The following KCTD1 variants were observed in gnomAD, a reference collection of about 807,000 sequenced individuals.
KCTD1 encodes the protein potassium channel tetramerization domain containing 1.
Under a neutral mutation model 66.0 loss-of-function variants are expected in KCTD1, and 24 were observed. The ratio of observed to expected loss-of-function variants is 0.36; its 90% confidence interval spans 0.26 to 0.51. The LOEUF (loss-of-function observed/expected upper bound fraction) is 0.51, where lower values mean the gene tolerates loss of function less well. KCTD1 is among the 20% of genes least tolerant of loss of function. The pLI, the probability that KCTD1 is intolerant of heterozygous loss-of-function variation, is 0.95. For synonymous variants in KCTD1, 511 were observed against 517.2 expected (o/e 0.99, Z 0.16); for missense variants, 943 against 1,205.2 (o/e 0.78, Z 3.22).
intron 1 of KCTD1, among the ~76,000 whole-genome samples, chr18:26,593,362 AG>A (rs1477107814): frequency 1.7e-4 from 17 of 100,008 alleles, no homozygotes; most frequent in African/African-American, 6.9e-4. Context: ...GAGGAGGAAG[AG>A]GAGGAGGAGG....
chr18:26,521,320 CTT>C (rs1983899393), intron 1 of KCTD1, among the ~76,000 whole-genome samples: 1 of 152,242 alleles, frequency 6.6e-6, no homozygotes, highest in African/African-American at 2.4e-5. Context: ...ACTTGTGACA[CTT>C]CACTAAAAAC....
intron 3 of KCTD1, among the ~76,000 whole-genome samples, chr18:26,467,136 GTT>G (rs71376962): frequency 2.3e-5 from 3 of 130,246 alleles, no homozygotes. Flanking sequence ...GGTATAGTTT[GTT>G]TTTTTTTTTT....
intron 1 of KCTD1, among the ~76,000 whole-genome samples, chr18:26,512,354 C>G (rs1300049380): frequency 6.6e-6 from 1 of 151,930 alleles, no homozygotes; most frequent in Non-Finnish European, 1.5e-5. Flanking sequence ...CCGCCTGCCT[C>G]TGCCTCTTAA....
chr18:26,511,317 T>G (rs1983317046), intron 1 of KCTD1, among the ~76,000 whole-genome samples: 1 of 152,160 alleles, frequency 6.6e-6, no homozygotes, highest in South Asian at 2.1e-4. Context: ...AGAAGACGAT[T>G]TCATTTGATC....
At chr18:26,614,655 A>G (rs1342288594) in intron 1 of KCTD1, among the ~76,000 whole-genome samples, 1 of 152,172 alleles carries the variant, frequency 6.6e-6, no homozygotes, top group Non-Finnish European at 1.5e-5. Context: ...CTGATCTTGG[A>G]AGGCTTTGGA....
upstream of KCTD1, among the ~76,000 whole-genome samples, chr18:26,551,659 A>C (rs1454542806): frequency 1.3e-5 from 2 of 152,172 alleles, no homozygotes; most frequent in African/African-American, 2.4e-5. Flanking sequence ...GAAAAAAAAA[A>C]GTTGCTTAAT....
At chr18:26,495,465 T>C (rs1199929467) in intron 2 of KCTD1, among the ~76,000 whole-genome samples, 2 of 152,136 alleles carry the variant, frequency 1.3e-5, no homozygotes, top group Non-Finnish European at 2.9e-5. Context: ...AGAGCACACA[T>C]GTTTGGCATC....
intron 1 of KCTD1, among the ~76,000 whole-genome samples, chr18:26,567,875 CCTT>C (rs1340825560): frequency 6.6e-6 from 1 of 152,116 alleles, no homozygotes; most frequent in East Asian, 1.9e-4. Flanking sequence ...AAGCAGCTGT[CCTT>C]CTCCACCTGC....
intron 2 of KCTD1, among the ~76,000 whole-genome samples, chr18:26,485,556 G>C (rs1981871372): frequency 6.6e-6 from 1 of 152,208 alleles, no homozygotes; most frequent in African/African-American, 2.4e-5. Context: ...GTTTAAACAT[G>C]ATTTCTAGGG....
chr18:26,623,648 A>G (rs1164338646), intron 1 of KCTD1, among the ~76,000 whole-genome samples: 1 of 152,204 alleles, frequency 6.6e-6, no homozygotes, highest in Non-Finnish European at 1.5e-5. Flanking sequence ...TCTTTCCTTT[A>G]TAAATTACCC....
intron 1 of KCTD1, among the ~76,000 whole-genome samples, chr18:26,583,393 C>CAAAAAA (rs55720907): frequency 1.9e-3 from 155 of 83,506 alleles, no homozygotes; most frequent in Non-Finnish European, 2.1e-3. Context: ...GACTTTGTCT[C>CAAAAAA]AAAAAAAAAA....
chr18:26,609,467 T>C (rs1248250559), intron 1 of KCTD1, among the ~76,000 whole-genome samples: 1 of 152,226 alleles, frequency 6.6e-6, no homozygotes, highest in Non-Finnish European at 1.5e-5. Flanking sequence ...TACCGGGTGA[T>C]GGACCACCAT....
chr18:26,473,379 G>T (rs1230413200), intron 3 of KCTD1, among the ~76,000 whole-genome samples: 4 of 152,094 alleles, frequency 2.6e-5, no homozygotes, highest in Admixed American at 2.0e-4. Flanking sequence ...TGGACAAAGG[G>T]AGGGGAACAA....
intron 1 of KCTD1, among the ~76,000 whole-genome samples, chr18:26,602,518 G>C (rs1217557747): frequency 6.6e-6 from 1 of 152,126 alleles, no homozygotes; most frequent in Non-Finnish European, 1.5e-5. Context: ...TTTATGCTTA[G>C]GCATAACAAG....
rs1407246808 is a variant in KCTD1 at position 26,476,689 on chromosome 18, C to A, written c.1989-30G>T. 1 of 1,600,442 alleles carries A rather than the reference C, an allele frequency of 6.2e-7. No individual in the cohort carries two copies. Among genetic ancestry groups the A allele is most frequent in the Non-Finnish European group, 8.5e-7 (1 of 1,172,444 alleles). On this transcript the variant is annotated intron_variant, in intron 2 of 4. Transcript: ENST00000580059. The surrounding 1 kb of genome is among the most constrained non-coding windows in gnomAD (Gnocchi z 4.9). ...GATAGAAAAGAGGGAACAGTGAAGACAATTAGATCAATTGTTCGGGCACTA... is the reference window on the plus strand; with the variant it reads ...GATAGAAAAGAGGGAACAGTGAAGAAAATTAGATCAATTGTTCGGGCACTA...
intron 1 of KCTD1, among the ~76,000 whole-genome samples, chr18:26,523,653 A>G (rs1984023930): frequency 6.6e-6 from 1 of 152,188 alleles, no homozygotes; most frequent in African/African-American, 2.4e-5. Flanking sequence ...AAAATTTAAA[A>G]CAAAAAAATA....
At chr18:26,525,659 T>C (rs983834808) in intron 1 of KCTD1, among the ~76,000 whole-genome samples, 4 of 152,224 alleles carry the variant, frequency 2.6e-5, no homozygotes, top group Non-Finnish European at 5.9e-5. Flanking sequence ...CATGTCCCCT[T>C]GTTTTCATTT....
intron 1 of KCTD1, among the ~76,000 whole-genome samples, chr18:26,613,923 C>T (rs562332113): frequency 1.3e-5 from 2 of 152,296 alleles, no homozygotes; most frequent in African/African-American, 4.8e-5. Context: ...TTCAGGCCTA[C>T]ACTCAATGGT....
chr18:26,564,147 C>T (rs10853666), intron 1 of KCTD1, among the ~76,000 whole-genome samples: 49,825 of 151,834 alleles, frequency 0.33, 9,245 homozygotes, highest in East Asian at 0.58. Flanking sequence ...CTGTAAGCTC[C>T]GTGTATCCAT....
Sources: allele counts gnomAD v4.1 joint callset (sites outside exome capture counted in the v4.1 genomes callset), GRCh38; gene constraint gnomAD v4.1.1; non-coding constraint Gnocchi (gnomAD v3.1); transcripts MANE v1.5; gene names NCBI Gene and HGNC (gene_info 2026-07-23, HGNC 2026-07-21).